TTC4: variants seen among roughly 807,000 people sequenced by gnomAD.
The protein encoded by TTC4 is tetratricopeptide repeat domain 4, also known as hsp70/Hsp90 co-chaperone CNS1 homolog.
A neutral mutation model predicts 51.9 loss-of-function variants in TTC4; 36 were observed. That is an observed-to-expected ratio of 0.69 (90% confidence interval 0.53 to 0.92). The LOEUF (loss-of-function observed/expected upper bound fraction) is 0.92, where lower values mean the gene tolerates loss of function less well. Among genes scored for constraint, TTC4 ranks in the 40% least tolerant of loss-of-function variants. The pLI, the probability that TTC4 is intolerant of heterozygous loss-of-function variation, is 0.00. For missense variants in TTC4, 399 were observed against 454.6 expected, an observed-to-expected ratio of 0.88 and a Z score of 1.11; for synonymous variants, 144 against 164.2, an observed-to-expected ratio of 0.88 and a Z score of 0.94.
chr1:54,722,754 AGAG>A lies in TTC4; in HGVS notation c.550_552del (p.Glu184del). Reference sequence around the variant, plus strand: ...ATGAGGGACTGCAAATAGATGCCAAAGAGAAGAAGCTTCTGGAAATGAGGGCTA... The same window carrying A: ...ATGAGGGACTGCAAATAGATGCCAAAAAGAAGCTTCTGGAAATGAGGGCTA... On this transcript the variant is annotated inframe_deletion, in exon 5 of 10. Coordinates refer to ENST00000371281, the MANE Select transcript of TTC4 (RefSeq NM_004623.5). 1 of 1,614,054 alleles carries A rather than the reference AGAG, an allele frequency of 6.2e-7. No homozygotes were observed. Among genetic ancestry groups the A allele is most frequent in the Non-Finnish European group, 8.5e-7 (1 of 1,179,946 alleles).
At position 54,720,136 on chromosome 1, in the gene TTC4, A is replaced by C. The variant is rs565669587; in HGVS notation, c.392-1027A>C. Among the ~76,000 whole-genome samples, 11 of 152,176 alleles carry C rather than the reference A, an allele frequency of 7.2e-5. No homozygotes were observed. In the South Asian group the frequency reaches 2.1e-3, roughly 29 times the overall value. On this transcript the variant is annotated intron_variant, in intron 3 of 9. Coordinates refer to ENST00000371281, the MANE Select transcript of TTC4 (RefSeq NM_004623.5). The stretch of plus-strand genomic sequence containing the variant: ...AGGCTGGTCTTGAACTCCTGGTCTT[A>C]AGCAATCCTCTCACCTCGGTCTCCC...
intron 5 of TTC4, among the ~76,000 whole-genome samples, chr1:54,723,099 CTG>C (rs752691431): frequency 1.3e-5 from 2 of 152,146 alleles, no homozygotes; most frequent in Non-Finnish European, 2.9e-5. Flanking sequence ...CATATTTTAA[CTG>C]TGCTTTTTCT....
chr1:54,736,220 GAGAA>G (rs1645936211), intron 8 of TTC4, among the ~76,000 whole-genome samples: 3 of 123,962 alleles, frequency 2.4e-5, no homozygotes, highest in Admixed American at 7.6e-5. Flanking sequence ...GAGAGAGAGA[GAGAA>G]GAGGAGAGGA....
At chr1:54,725,030 A>G (rs1009977279) in intron 5 of TTC4, among the ~76,000 whole-genome samples, 3 of 152,216 alleles carry the variant, frequency 2.0e-5, no homozygotes, top group African/African-American at 7.2e-5. Flanking sequence ...CTTGAAAGCC[A>G]GTAGCCCACA....
At chr1:54,738,675 T>TTTTTTTTTG (rs1645976650) in intron 9 of TTC4, among the ~76,000 whole-genome samples, 1 of 151,358 alleles carries the variant, frequency 6.6e-6, no homozygotes, top group Non-Finnish European at 1.5e-5. Context: ...TTTTTTTTTT[T>TTTTTTTTTG]GAGACGACAT....
intron 6 of TTC4, 76 bp downstream of exon 6, chr1:54,728,508 T>C: frequency 7.2e-7 from 1 of 1,385,774 alleles, no homozygotes. Flanking sequence ...GAACCTTTCT[T>C]GGGATGCTTT....
At chr1:54,718,574 T>G (rs777629402) in intron 3 of TTC4, among the ~76,000 whole-genome samples, 67 of 152,032 alleles carry the variant, frequency 4.4e-4, no homozygotes, top group Non-Finnish European at 8.5e-4. Context: ...AAATGCTGCT[T>G]CTTAGAGATT....
chr1:54,721,139 T>G, intron 3 of TTC4, 24 bp from the exon 4 acceptor site: 1 of 1,611,630 alleles, frequency 6.2e-7, no homozygotes, highest in Non-Finnish European at 8.5e-7. Context: ...AACTTCTCTC[T>G]TTTACTAAAC....
At chr1:54,727,191 C>T (rs1645810719) in intron 5 of TTC4, among the ~76,000 whole-genome samples, 1 of 152,004 alleles carries the variant, frequency 6.6e-6, no homozygotes, top group Admixed American at 6.6e-5. Flanking sequence ...ATTTAGAGCT[C>T]AGAAATAAGC....
chr1:54,728,007 A>G (rs1645821793), intron 5 of TTC4, among the ~76,000 whole-genome samples: 1 of 152,186 alleles, frequency 6.6e-6, no homozygotes, highest in African/African-American at 2.4e-5. Flanking sequence ...GGTTTCTGTC[A>G]CCCAGGCTAT....
intron 1 of TTC4, 144 bp downstream of exon 1, chr1:54,716,163 CCTCGAGGTTTTGAGTCGCTT>C (rs1645673205): frequency 1.4e-6 from 1 of 711,576 alleles, no homozygotes; most frequent in Non-Finnish European, 2.4e-6. Context: ...TGAAAATCGG[CCTCGAGGTTTTGAGTCGCTT>C]CTTAAGCTGA....
intron 5 of TTC4, among the ~76,000 whole-genome samples, chr1:54,723,735 G>T (rs72909870): frequency 0.092 from 14,073 of 152,234 alleles, 925 homozygotes; most frequent in South Asian, 0.19. Context: ...TTAACGTAAG[G>T]AATGTTTTTA....
rs772347919 is a variant in TTC4 at position 54,716,727 on chromosome 1, C to T, written c.229+10C>T. On this transcript the variant is annotated intron_variant, in intron 2 of 9. Coordinates refer to ENST00000371281, the MANE Select transcript of TTC4 (RefSeq NM_004623.5). ...GAGCGTTCTCCAGAAGGTATCTTAA[C>T]ATGACTAATATTTGTTTTGTGTTTC... The T allele has an allele frequency of 6.3e-6, 10 of 1,592,372 alleles. No homozygotes were observed. Among genetic ancestry groups the T allele is most frequent in the Non-Finnish European group, 8.6e-6 (10 of 1,166,026 alleles).
intron 8 of TTC4, among the ~76,000 whole-genome samples, chr1:54,735,629 C>T (rs1414966372): frequency 6.6e-6 from 1 of 152,206 alleles, no homozygotes; most frequent in African/African-American, 2.4e-5. Context: ...GATGTTCACT[C>T]TGATCACCTG....
intron 5 of TTC4, among the ~76,000 whole-genome samples, chr1:54,726,331 G>T (rs1368202001): frequency 6.6e-6 from 1 of 152,176 alleles, no homozygotes; most frequent in Admixed American, 6.5e-5. Context: ...AAAAGAAAAA[G>T]ACTGTAAGAA....
rs1218967088 is a variant in TTC4, at chr1:54,742,181, A to C, written c.*668A>C. On this transcript the variant is annotated 3_prime_UTR_variant, in exon 10 of 10. Transcript: ENST00000371281. The stretch of plus-strand genomic sequence containing the variant: ...ACAGTGGCCTCTTGAGTTCCTCTGC[A>C]GTTTTGACATTTAGGATTTTGTGTC... 6.6e-6 allele frequency: 1 copy of C among 152,228 alleles called. No homozygotes were observed. The highest frequency in any genetic ancestry group is 1.9e-4 in the East Asian group (1 of 5,204). The allele number at this position is 152,228 out of a possible 1,614,324, so 9.4% of individuals were successfully genotyped here.
chr1:54,722,740 C>G lies in TTC4; in HGVS notation c.535C>G (p.Gln179Glu), dbSNP rs753303247. ...EAVNWCDEGLQIDAKEKKLLE... is the reference protein window; with the variant it reads ...EAVNWCDEGLEIDAKEKKLLE... Reference sequence around the variant, plus strand: ...CGTGAACTGGTGTGATGAGGGACTGCAAATAGATGCCAAAGAGAAGAAGCT... The same window carrying G: ...CGTGAACTGGTGTGATGAGGGACTGGAAATAGATGCCAAAGAGAAGAAGCT... Residue 179 changes from glutamine (Q) to glutamate (E), a missense_variant, in exon 5 of 10, where the codon CAA becomes GAA. Physicochemically the swap from Gln to Glu is conservative, Grantham distance 29 (BLOSUM62 2). Coordinates refer to ENST00000371281, the MANE Select transcript of TTC4 (RefSeq NM_004623.5). The G allele has an allele frequency of 2.5e-6, 4 of 1,613,806 alleles. No individual in the cohort carries two copies. The South Asian group carries it at 4.4e-5, about 18-fold the overall frequency.
chr1:54,735,105 A>T (rs1645918549), intron 8 of TTC4, among the ~76,000 whole-genome samples: 1 of 151,462 alleles, frequency 6.6e-6, no homozygotes, highest in African/African-American at 2.4e-5. Context: ...TATTTTTGTG[A>T]TCCTGTGACT....
At chr1:54,722,053 T>C (rs1043601373) in intron 4 of TTC4, among the ~76,000 whole-genome samples, 1 of 152,228 alleles carries the variant, frequency 6.6e-6, no homozygotes, top group Non-Finnish European at 1.5e-5. Context: ...TCTAAGCCCT[T>C]ACAATGCTTA....
Sources: gnomAD v4.1 joint callset for allele counts (sites outside exome capture counted in the v4.1 genomes callset) on GRCh38, gnomAD v4.1.1 for gene constraint, MANE v1.5 for transcripts, NCBI Gene and HGNC (gene_info 2026-07-23, HGNC 2026-07-21) for gene names.